RBFOX1: variants seen among roughly 807,000 people sequenced by gnomAD.
The protein encoded by RBFOX1 is RNA binding protein fox-1 homolog 1.
Under a neutral mutation model 57.7 loss-of-function variants are expected in RBFOX1, and 8 were observed. The ratio of observed to expected loss-of-function variants is 0.14; its 90% CI spans 0.08 to 0.25. The LOEUF is 0.25. Ranked by LOEUF, RBFOX1 falls within the 10% of genes least tolerant of loss-of-function variation. The pLI is 1.00. For missense variants in RBFOX1, 611 were observed against 548.5 expected (o/e 1.11, Z -1.14); for synonymous variants, 326 against 222.4 (o/e 1.47, Z -4.15).
chr16:6,981,398 A>G (rs1038814083), intron 3 of RBFOX1, among the ~76,000 whole-genome samples: 1 of 152,148 alleles, frequency 6.6e-6, no homozygotes, highest in Non-Finnish European at 1.5e-5. Context: ...CTCGAGGTCC[A>G]TCCATGTCCC....
At position 5,402,788 on chromosome 16, in the gene RBFOX1, C is replaced by T. The variant is rs374951975; in HGVS notation, c.220-64428C>T. On this transcript the variant is annotated intron_variant, in intron 1 of 2. Transcript: ENST00000585867. ...TCATGAGAAATCTGTAGGTTGGTTCCTCTGTTTCCTCTTCCCTCTGTTTCA... is the reference window on the plus strand; with the variant it reads ...TCATGAGAAATCTGTAGGTTGGTTCTTCTGTTTCCTCTTCCCTCTGTTTCA... 1.7e-4 allele frequency among the ~76,000 whole-genome samples: 26 copies of T among 152,268 alleles called. No homozygotes were observed. In the East Asian group the frequency reaches 4.4e-3, roughly 26 times the overall value.
intron 2 of RBFOX1, among the ~76,000 whole-genome samples, chr16:6,533,799 C>T (rs950640618): frequency 3.9e-5 from 6 of 152,072 alleles, no homozygotes; most frequent in African/African-American, 1.4e-4. Flanking sequence ...TAAACATCTG[C>T]CTTTGAAAAC....
At chr16:7,090,950 G>A (rs1171107879) in intron 4 of RBFOX1, among the ~76,000 whole-genome samples, 2 of 152,144 alleles carry the variant, frequency 1.3e-5, no homozygotes, top group Admixed American at 6.6e-5. Context: ...AGGATTAGAG[G>A]TTCTTTGGAA....
At chr16:7,590,523 A>G (rs1013369608) in intron 7 of RBFOX1, among the ~76,000 whole-genome samples, 1 of 152,018 alleles carries the variant, frequency 6.6e-6, no homozygotes, top group Non-Finnish European at 1.5e-5. Flanking sequence ...GATATGGTCT[A>G]TTTAAGGGCT....
intron 2 of RBFOX1, among the ~76,000 whole-genome samples, chr16:6,417,708 A>T (rs1971681): frequency 0.48 from 64,317 of 134,152 alleles, 14,179 homozygotes; most frequent in Admixed American, 0.49. Flanking sequence ...CTTTCTTTTT[A>T]AAAAAAAAAA....
intron 2 of RBFOX1, among the ~76,000 whole-genome samples, chr16:5,472,357 A>C (rs541961192): frequency 7.0e-4 from 107 of 152,086 alleles, no homozygotes; most frequent in African/African-American, 2.6e-3. Context: ...TTGTCCCCCC[A>C]ACCCCCATTG....
intron 3 of RBFOX1, among the ~76,000 whole-genome samples, chr16:6,746,030 T>C (rs963184290): frequency 6.6e-6 from 1 of 152,342 alleles, no homozygotes. Flanking sequence ...AATAGCATTT[T>C]GAACAGTGAA....
intron 2 of RBFOX1, among the ~76,000 whole-genome samples, chr16:5,467,464 G>A (rs1322856329): frequency 6.6e-6 from 1 of 152,178 alleles, no homozygotes; most frequent in Non-Finnish European, 1.5e-5. Flanking sequence ...CATCTTTAAT[G>A]TATGAGCTCC....
At chr16:6,459,162 C>T (rs558897747) in intron 2 of RBFOX1, among the ~76,000 whole-genome samples, 5 of 152,218 alleles carry the variant, frequency 3.3e-5, no homozygotes, top group South Asian at 4.2e-4. Flanking sequence ...AGTGAAACCC[C>T]GTCTCTACTA....
chr16:6,978,000 C>G (rs925697362), intron 3 of RBFOX1, among the ~76,000 whole-genome samples: 11 of 150,836 alleles, frequency 7.3e-5, no homozygotes, highest in Admixed American at 6.6e-4. Flanking sequence ...GCAAGACACT[C>G]AGCATTCTTG....
At chr16:5,777,439 C>T (rs1342238298) in intron 3 of RBFOX1, among the ~76,000 whole-genome samples, 3 of 152,200 alleles carry the variant, frequency 2.0e-5, no homozygotes, top group East Asian at 1.9e-4. Flanking sequence ...GGCACATATT[C>T]AGATGAGACT....
chr16:5,479,768 G>A (rs555527047), intron 2 of RBFOX1, among the ~76,000 whole-genome samples: 3 of 147,088 alleles, frequency 2.0e-5, no homozygotes, highest in Non-Finnish European at 4.5e-5. Flanking sequence ...CTCACCCCCC[G>A]CAAAAAAAGA....
intron 3 of RBFOX1, among the ~76,000 whole-genome samples, chr16:6,807,463 C>T (rs113019548): frequency 6.6e-6 from 1 of 152,100 alleles, no homozygotes; most frequent in South Asian, 2.1e-4. Context: ...GAGTAGCACA[C>T]AGGGCTGGGG....
At chr16:5,651,715 C>A (rs1204811812) in intron 3 of RBFOX1, among the ~76,000 whole-genome samples, 1 of 152,288 alleles carries the variant, frequency 6.6e-6, no homozygotes, top group East Asian at 1.9e-4. Flanking sequence ...CCATCCCTGC[C>A]TGCTTTTTAT....
chr16:7,292,129 T>G (rs967666218), intron 4 of RBFOX1, among the ~76,000 whole-genome samples: 1 of 80,444 alleles, frequency 1.2e-5, no homozygotes, highest in African/African-American at 4.7e-5. Context: ...ATATAATATA[T>G]AATGTATTAC....
At position 6,156,942 on chromosome 16, in the gene RBFOX1, T is replaced by C. The variant is rs2096842544; in HGVS notation, c.-127+136950T>C. On this transcript the variant is annotated intron_variant, in intron 1 of 15. Coordinates refer to ENST00000550418, the MANE Select transcript of RBFOX1 (RefSeq NM_018723.4). ...ATAGCCCCGAACTCCTGAGCTCACG[T>C]GATCCTCCCACCTTTGCTTCTCAAG... is the stretch of plus-strand genomic sequence containing the variant. Among the ~76,000 whole-genome samples the C allele has an allele frequency of 2.0e-5, 3 of 152,260 alleles. No homozygotes were observed. The South Asian group carries it at 6.2e-4, about 32-fold the overall frequency.
chr16:6,233,809 T>C (rs2097484471), intron 1 of RBFOX1, among the ~76,000 whole-genome samples: 1 of 152,150 alleles, frequency 6.6e-6, no homozygotes, highest in South Asian at 2.1e-4. Flanking sequence ...CTCCATGTTC[T>C]CTGTCACTAA....
At chr16:7,477,212 G>A (rs1036124329) in intron 4 of RBFOX1, among the ~76,000 whole-genome samples, 1 of 152,124 alleles carries the variant, frequency 6.6e-6, no homozygotes, top group African/African-American at 2.4e-5. Flanking sequence ...TCTGTCTCTT[G>A]GGTTGTTCAG....
At chr16:7,233,229 T>C (rs78241884) in intron 4 of RBFOX1, among the ~76,000 whole-genome samples, 4 of 143,938 alleles carry the variant, frequency 2.8e-5, no homozygotes, top group African/African-American at 1.1e-4. Context: ...TTTTTTTTTT[T>C]CCTGATTCTT....
Sources: gnomAD v4.1 joint callset for allele counts (sites outside exome capture counted in the v4.1 genomes callset) on GRCh38, gnomAD v4.1.1 for gene constraint, MANE v1.5 for transcripts, NCBI Gene and HGNC (gene_info 2026-07-23, HGNC 2026-07-21) for gene names.